Variants in DUSP16 observed in about 807,000 individuals in gnomAD.
The protein encoded by DUSP16 is dual specificity phosphatase 16, also known as dual specificity protein phosphatase 16.
DUSP16 carries 21 observed loss-of-function variants against 58.3 expected under a neutral mutation model. The ratio of observed to expected loss-of-function variants is 0.36; its 90% CI spans 0.26 to 0.52. The LOEUF is 0.52. Ranked by LOEUF, DUSP16 falls within the 20% of genes least tolerant of loss-of-function variation. DUSP16 has a pLI of 0.94. For synonymous variants in DUSP16, 320 were observed against 323.8 expected (o/e 0.99, Z 0.12); for missense variants, 726 against 819.0 (o/e 0.89, Z 1.39).
In DUSP16 at chr12:12,478,016, CT is replaced by C. The variant is rs1225447532; in HGVS notation, c.816-2del. 1 of 1,564,362 alleles carries C rather than the reference CT, an allele frequency of 6.4e-7. No homozygotes were observed. Among genetic ancestry groups the C allele is most frequent in the African/African-American group, 1.4e-5 (1 of 72,514 alleles). Reference sequence around the variant, plus strand: ...AGTAGGTCTTTTTTCTTTCACAAATCTGCAGAGAGAGGAAAAAACAAAAACC... The same window carrying C: ...AGTAGGTCTTTTTTCTTTCACAAATCGCAGAGAGAGGAAAAAACAAAAACC... On this transcript the variant is annotated splice_acceptor_variant, in intron 6 of 6. Transcript: ENST00000298573. LOFTEE classifies it high-confidence loss of function.
chr12:12,555,287 A>G (rs1222891725), intron 1 of DUSP16, among the ~76,000 whole-genome samples: 1 of 152,236 alleles, frequency 6.6e-6, no homozygotes, highest in African/African-American at 2.4e-5. Context: ...CTCAAATAAG[A>G]GTCCATGCCC....
In DUSP16 at chr12:12,517,823, T is replaced by C. The variant is rs534101142; in HGVS notation, c.367+2039A>G. ...AATGTGGCTCCTGGTGCTGCCTCCA[T>C]GGACTTGCCGTTAGGCCTAAGAAAC... On this transcript the variant is annotated intron_variant, in intron 3 of 6. Coordinates refer to ENST00000298573, the MANE Select transcript of DUSP16 (RefSeq NM_030640.3). 1.5e-3 allele frequency among the ~76,000 whole-genome samples: 223 copies of C among 152,330 alleles called. 1 individual carries two copies. The highest frequency in any genetic ancestry group is 5.0e-3 in the African/African-American group (210 of 41,592).
rs546503633 is a variant in DUSP16 at position 12,559,369 on chromosome 12, T to C, written c.-366+2748A>G. On this transcript the variant is annotated intron_variant, in intron 1 of 6. Transcript: ENST00000298573. ...TTTTTAACTAGTTTCTTTCATCTGT[T>C]GAAATCTGTCATAAAATCTGTTTTA... Among the ~76,000 whole-genome samples, 13 of 152,362 alleles carry C rather than the reference T, an allele frequency of 8.5e-5. No individual in the cohort carries two copies. In the East Asian group the frequency reaches 1.7e-3, roughly 20 times the overall value.
intron 1 of DUSP16, among the ~76,000 whole-genome samples, chr12:12,544,880 A>G (rs1324795314): frequency 6.6e-6 from 1 of 152,164 alleles, no homozygotes; most frequent in Non-Finnish European, 1.5e-5. Flanking sequence ...TCATTTATCG[A>G]AAGATCTTTC....
At chr12:12,561,860 G>GCTCCGGCCAGC (rs970251688) in intron 1 of DUSP16, among the ~76,000 whole-genome samples, 1 of 150,698 alleles carries the variant, frequency 6.6e-6, no homozygotes, top group Non-Finnish European at 1.5e-5. Flanking sequence ...CCCCCTTCCC[G>GCTCCGGCCAGC]CTCCGGCCAG....
chr12:12,483,026 C>T (rs16908151), intron 5 of DUSP16, among the ~76,000 whole-genome samples: 9,699 of 152,188 alleles, frequency 0.064, 440 homozygotes, highest in East Asian at 0.18. Context: ...ACCTTTTTAA[C>T]GCAGAAAACT....
chr12:12,551,749 G>C (rs1008265828), intron 1 of DUSP16, among the ~76,000 whole-genome samples: 9 of 149,144 alleles, frequency 6.0e-5, no homozygotes, highest in African/African-American at 2.2e-4. Flanking sequence ...CTGGAGTGCA[G>C]TGGCACGATC....
Position 12,477,470 on chromosome 12 carries a change from T to G in DUSP16, c.1361A>C (p.Gln454Pro), listed in dbSNP as rs773850223. 2 of 1,598,098 alleles carry G rather than the reference T, an allele frequency of 1.3e-6. No homozygotes were observed. The highest frequency in any genetic ancestry group is 1.7e-6 in the Non-Finnish European group (2 of 1,171,346). The change falls in exon 7 of 7, where the codon CAG (glutamine) becomes CCG (proline). Residue 454 changes from glutamine to proline, a missense_variant. Gln to Pro is a moderately conservative substitution (Grantham distance 76). Transcript: ENST00000298573. This position sits in a 1 kb window ranked among gnomAD's most constrained non-coding sequence, Gnocchi z 4.1. ...CTTATCAGGACTGGTTTCGGGAGTC[T>G]GCTCCGATAGTTCCTGAACAGGGGA... The part of the protein sequence containing the change: ...QFSPVQELSE[Q>P]TPETSPDKEE...
chr12:12,561,995 G>T (rs1698421282), intron 1 of DUSP16, 122 bp downstream of exon 1: 2 of 150,076 alleles, frequency 1.3e-5, no homozygotes, highest in African/African-American at 4.9e-5. Context: ...GGGCTGGAGC[G>T]CGGCGCCCGG....
Position 12,521,038 on chromosome 12 carries a change from T to C in DUSP16, c.61A>G (p.Ser21Gly). 1 of 1,614,230 alleles carries C rather than the reference T, an allele frequency of 6.2e-7. No homozygotes were observed. Among genetic ancestry groups the C allele is most frequent in the South Asian group, 1.1e-5 (1 of 91,088 alleles). The change falls in exon 2 of 7, where the codon AGT becomes GGT. Residue 21 changes from serine to glycine, a missense_variant. By Grantham distance (56) the Ser-to-Gly change is moderately conservative. Coordinates refer to ENST00000298573, the MANE Select transcript of DUSP16 (RefSeq NM_030640.3). The part of the protein sequence containing the change: ...VTERLVALLE[S>G]GTEKVLLIDS... ...ATTAGCAGCACTTTTTCCGTTCCAC[T>C]TTCCAGCAGAGCCACCAACCTCTCA...
chr12:12,561,789 G>A (rs1010224476), intron 1 of DUSP16, among the ~76,000 whole-genome samples: 3 of 151,682 alleles, frequency 2.0e-5, no homozygotes, highest in Non-Finnish European at 2.9e-5. Flanking sequence ...GGCGGGGCCC[G>A]GTCCAAGCGC....
chr12:12,556,676 G>C (rs1486118762), intron 1 of DUSP16, among the ~76,000 whole-genome samples: 1 of 152,004 alleles, frequency 6.6e-6, no homozygotes, highest in Non-Finnish European at 1.5e-5. Flanking sequence ...ACATGAAATA[G>C]CTCCTGATAA....
intron 1 of DUSP16, among the ~76,000 whole-genome samples, chr12:12,524,056 AG>A (rs1944270622): frequency 6.6e-6 from 1 of 152,246 alleles, no homozygotes; most frequent in Admixed American, 6.5e-5. Context: ...AGGAGGGAGA[AG>A]TCAGCAAACA....
intron 1 of DUSP16, among the ~76,000 whole-genome samples, chr12:12,527,928 A>AGTC (rs903241738): frequency 2.8e-4 from 42 of 152,326 alleles, no homozygotes; most frequent in African/African-American, 9.6e-4. Context: ...AGGCTGGAAT[A>AGTC]GCAGTCAGCC....
intron 1 of DUSP16, among the ~76,000 whole-genome samples, chr12:12,532,282 T>C (rs1269394769): frequency 6.6e-6 from 1 of 152,228 alleles, no homozygotes; most frequent in African/African-American, 2.4e-5. Flanking sequence ...CTGGCTTAAG[T>C]AACTTATAAA....
intron 1 of DUSP16, among the ~76,000 whole-genome samples, chr12:12,524,874 A>G (rs773700988): frequency 1.3e-5 from 2 of 152,210 alleles, no homozygotes; most frequent in Non-Finnish European, 2.9e-5. Context: ...TTATACATCA[A>G]TAAAGGTGTT....
At chr12:12,527,733 T>C (rs1234575134) in intron 1 of DUSP16, among the ~76,000 whole-genome samples, 5 of 152,220 alleles carry the variant, frequency 3.3e-5, no homozygotes, top group Admixed American at 2.6e-4. Flanking sequence ...ACACATATTC[T>C]GACAAGTGAT....
chr12:12,514,873 G>A (rs1006399597), intron 3 of DUSP16, among the ~76,000 whole-genome samples: 2 of 152,066 alleles, frequency 1.3e-5, no homozygotes, highest in Non-Finnish European at 2.9e-5. Context: ...TGGCCAGGCA[G>A]GTCTCAAACT....
At chr12:12,551,109 CT>C in intron 1 of DUSP16, among the ~76,000 whole-genome samples, 1 of 151,440 alleles carries the variant, frequency 6.6e-6, no homozygotes, top group East Asian at 1.9e-4. Context: ...ACCATTTTTG[CT>C]TTTTTGACTA....
Sources: gnomAD v4.1 joint callset for allele counts (sites outside exome capture counted in the v4.1 genomes callset) on GRCh38, gnomAD v4.1.1 for gene constraint, Gnocchi (gnomAD v3.1) non-coding constraint, MANE v1.5 for transcripts, NCBI Gene and HGNC (gene_info 2026-07-23, HGNC 2026-07-21) for gene names.